C20orf173: variants seen among roughly 807,000 people sequenced by gnomAD.
The protein encoded by C20orf173 is chromosome 20 open reading frame 173, also known as uncharacterized protein C20orf173.
A neutral mutation model predicts 26.7 loss-of-function variants in C20orf173; 22 were observed. The observed-to-expected ratio is 0.82, with a 90% confidence interval of 0.59 to 1.18. C20orf173 has a LOEUF of 1.18. C20orf173 is among the 50% of genes most tolerant of loss of function. The pLI, the probability that C20orf173 is intolerant of heterozygous loss-of-function variation, is 0.00. For synonymous variants in C20orf173, 85 were observed against 96.4 expected (o/e 0.88, Z 0.69); for missense variants, 210 against 250.3 (o/e 0.84, Z 1.09).
rs1404337717 is a variant in C20orf173, at chr20:35,529,193, G to A, written c.181C>T (p.Leu61Phe). Residue 61 changes from leucine to phenylalanine, a missense_variant, in exon 2 of 6, where the codon CTC becomes TTC. Transcript: ENST00000444723. ...GTGTGGTGGCAGGAGGAGCAGTTGA[G>A]GGTCTCAGAAGGGCAGCCACACTTC... ...SGKCGCPSET[L>F]NCSSCHHTAD... The A allele has an allele frequency of 6.4e-7, 1 of 1,551,690 alleles. No homozygotes were observed. Among genetic ancestry groups the A allele is most frequent in the Non-Finnish European group, 8.7e-7 (1 of 1,147,000 alleles).
chr20:35,529,042 C>T (rs145484572), intron 2 of C20orf173, 23 bp downstream of exon 2: 132 of 1,543,630 alleles, frequency 8.6e-5, no homozygotes, highest in African/African-American at 7.8e-4. Context: ...GGGATATGGC[C>T]GGGCCCAGTG....
chr20:35,522,805 A>G (rs951652428), downstream of C20orf173: 1 of 152,700 alleles, frequency 6.5e-6, no homozygotes, highest in African/African-American at 2.4e-5. Flanking sequence ...AGGTGCTTTA[A>G]TCAGCTGCTG....
chr20:35,523,132 T>C (rs1294584308), downstream of C20orf173: 1 of 152,786 alleles, frequency 6.5e-6, no homozygotes, highest in Non-Finnish European at 1.5e-5. Context: ...AGGCAGAGCA[T>C]GTGTGGACCT....
chr20:35,528,208 T>C, intron 5 of C20orf173, 25 bp downstream of exon 5: 1 of 1,547,610 alleles, frequency 6.5e-7, no homozygotes, highest in Non-Finnish European at 8.7e-7. Flanking sequence ...AGCCACATCC[T>C]ACCCCTTTTC....
chr20:35,528,535 G>T lies in C20orf173; in HGVS notation c.498C>A (p.Ser166Arg), dbSNP rs540047105. 9 of 1,551,542 alleles carry T rather than the reference G, an allele frequency of 5.8e-6. No homozygotes were observed. The highest frequency in any genetic ancestry group is 7.8e-6 in the Non-Finnish European group (9 of 1,146,990). ...CCAGCTGCATCCAGGAGCCCTGGTC[G>T]CTGGCATTCCTGGGATAGATGAAGC... ...DQYPVVFRNA[S>R]DQGSWMQLEM... The change falls in exon 4 of 6, where the codon AGC (serine) becomes AGA (arginine). Residue 166 changes from serine (S) to arginine (R), a missense_variant. Transcript: ENST00000444723.
downstream of C20orf173, among the ~76,000 whole-genome samples, chr20:35,524,766 T>A (rs914783024): frequency 6.6e-6 from 1 of 151,784 alleles, no homozygotes; most frequent in Admixed American, 6.6e-5. Context: ...TGGCATGATC[T>A]CGGCTCACTG....
downstream of C20orf173, among the ~76,000 whole-genome samples, chr20:35,525,973 G>C (rs1242301859): frequency 6.6e-6 from 1 of 152,324 alleles, no homozygotes; most frequent in Non-Finnish European, 1.5e-5. Context: ...CCAAAAGTCT[G>C]ATTTTTTATT....
rs766595512 is a variant in C20orf173, at chr20:35,528,294, A to C, written c.583-10T>G. On this transcript the variant is annotated splice_polypyrimidine_tract_variant and intron_variant, in intron 4 of 5. Transcript: ENST00000444723. ...GACCATCTTCCAAAATCTGAGAAAG[A>C]ATTGGAGGTGGGGGAGTTTGGGCCA... 14 of 1,551,842 alleles carry C rather than the reference A, an allele frequency of 9.0e-6. No individual in the cohort carries two copies. In the South Asian group the frequency reaches 1.7e-4, roughly 18 times the overall value.
At chr20:35,524,022 G>GT (rs1439610086), downstream of C20orf173, among the ~76,000 whole-genome samples, 1 of 151,992 alleles carries the variant, frequency 6.6e-6, no homozygotes, top group African/African-American at 2.4e-5. Flanking sequence ...TTTAAGAACT[G>GT]TTTTTTTGTG....
downstream of C20orf173, among the ~76,000 whole-genome samples, chr20:35,526,199 C>G (rs1244985661): frequency 2.6e-5 from 4 of 152,170 alleles, no homozygotes; most frequent in African/African-American, 4.8e-5. Context: ...ACAACTGGGC[C>G]CTTGACACTG....
chr20:35,528,636 CA>C, intron 3 of C20orf173, 64 bp downstream of exon 3: 1 of 1,543,572 alleles, frequency 6.5e-7, no homozygotes, highest in Non-Finnish European at 8.8e-7. Flanking sequence ...GGAAGGGGAG[CA>C]GAAACTGATG....
Position 35,529,596 on chromosome 20 carries a change from G to A in C20orf173, c.-89C>T. 1.8e-6 allele frequency: 1 copy of A among 568,894 alleles called. No individual in the cohort carries two copies. Among genetic ancestry groups the A allele is most frequent in the Non-Finnish European group, 3.1e-6 (1 of 318,990 alleles). The allele number at this position is 568,894 out of a possible 1,614,324, so 35.2% of individuals were successfully genotyped here. A position where few individuals can be genotyped will look rare whatever the true frequency, so the allele number is the denominator to read the frequency against. On this transcript the variant is annotated 5_prime_UTR_variant, in exon 1 of 6. Coordinates refer to ENST00000444723, the MANE Select transcript of C20orf173 (RefSeq NM_001145350.2). ...CTCTGACTGGGCATGGGGTGGAAGAGGCCAGGGCAGAGAGACAGCATGTGG... is the reference window on the plus strand; with the variant it reads ...CTCTGACTGGGCATGGGGTGGAAGAAGCCAGGGCAGAGAGACAGCATGTGG...
In C20orf173 at chr20:35,528,878, C is replaced by A. The variant is rs1279695235; in HGVS notation, c.311G>T (p.Gly104Val). 6.4e-7 allele frequency: 1 copy of A among 1,551,370 alleles called. No homozygotes were observed. Among genetic ancestry groups the A allele is most frequent in the African/African-American group, 1.4e-5 (1 of 73,096 alleles). Residue 104 changes from glycine to valine, a missense_variant and splice_region_variant, in exon 3 of 6, where the codon GGC (glycine) becomes GTC (valine). By Grantham distance (109) the Gly-to-Val change is moderately radical (BLOSUM62 -3). Coordinates refer to ENST00000444723, the MANE Select transcript of C20orf173 (RefSeq NM_001145350.2). ...MTSDTVLWWL[G>V]MNSGSELGKL... ...CCCAAGCTCGCTCCCTGAGTTCATG[C>A]CCTGGAAACAGCAAGAGGGAGATTG...
At position 35,529,059 on chromosome 20, in the gene C20orf173, A is replaced by G. The variant is rs896611758; in HGVS notation, c.309+6T>C. On this transcript the variant is annotated splice_donor_region_variant and intron_variant, in intron 2 of 5. Transcript: ENST00000444723. ...GATATGGCCGGGCCCAGTGTTGACC[A>G]CTGACCAACCACCAGAGCACAGTGT... 6.5e-7 allele frequency: 1 copy of G among 1,548,002 alleles called. No homozygotes were observed. Among genetic ancestry groups the G allele is most frequent in the African/African-American group, 1.4e-5 (1 of 72,938 alleles).
At chr20:35,524,395 T>G (rs963814351), downstream of C20orf173, among the ~76,000 whole-genome samples, 3 of 152,142 alleles carry the variant, frequency 2.0e-5, no homozygotes, top group Non-Finnish European at 4.4e-5. Context: ...ATTTATAAAT[T>G]TCATAAAATT....
chr20:35,522,044 C>T (rs2064478590), downstream of C20orf173: 1 of 152,656 alleles, frequency 6.6e-6, no homozygotes, highest in African/African-American at 2.4e-5. Flanking sequence ...GTTCTCCAGC[C>T]AACTTTCCTG....
chr20:35,521,445 G>T (rs11167267), downstream of C20orf173, among the ~76,000 whole-genome samples: 48,638 of 151,778 alleles, frequency 0.32, 8,670 homozygotes, highest in South Asian at 0.5. Context: ...AGGGAGCAAG[G>T]TGTGAGAAGG....
chr20:35,527,290 C>T (rs2064509508), intron 5 of C20orf173, 40 bp from the exon 6 acceptor site: 1 of 152,086 alleles, frequency 6.6e-6, no homozygotes, highest in South Asian at 2.1e-4. Context: ...AGCAGGCAGA[C>T]TCCTGTCCTC....
intron 2 of C20orf173, 38 bp downstream of exon 2, chr20:35,529,027 C>A: frequency 6.5e-7 from 1 of 1,540,688 alleles, no homozygotes; most frequent in Non-Finnish European, 8.8e-7. Flanking sequence ...GCCCGGAAAG[C>A]ATGGGGGATA....
Sources: allele counts gnomAD v4.1 joint callset (sites outside exome capture counted in the v4.1 genomes callset), GRCh38; gene constraint gnomAD v4.1.1; transcripts MANE v1.5; gene names NCBI Gene and HGNC (gene_info 2026-07-23, HGNC 2026-07-21).